Variants in LSAMP observed in about 807,000 individuals in gnomAD.
LSAMP encodes limbic system-associated membrane protein.
In LSAMP, 7 loss-of-function variants were observed where a neutral mutation model predicts 38.6. The ratio of observed to expected loss-of-function variants is 0.18; its 90% CI spans 0.10 to 0.34. LSAMP has a LOEUF of 0.34. LSAMP is among the 10% of genes least tolerant of loss of function. The pLI, the probability that LSAMP is intolerant of heterozygous loss-of-function variation, is 1.00. For synonymous variants in LSAMP, 154 were observed against 166.8 expected, an observed-to-expected ratio of 0.92 and a Z score of 0.59; for missense variants, 313 against 420.0, an observed-to-expected ratio of 0.75 and a Z score of 2.23.
At chr3:115,858,992 A>G (rs1451359833) in intron 3 of LSAMP, among the ~76,000 whole-genome samples, 1 of 152,076 alleles carries the variant, frequency 6.6e-6, no homozygotes, top group African/African-American at 2.4e-5. Flanking sequence ...CCTGCACATC[A>G]CGTTCTACAC....
At chr3:116,155,527 C>T (rs568485278) in intron 1 of LSAMP, among the ~76,000 whole-genome samples, 11 of 152,050 alleles carry the variant, frequency 7.2e-5, no homozygotes, top group Admixed American at 3.3e-4. Context: ...TGCACTCGGC[C>T]CTATTTTTGA....
chr3:115,916,984 T>G (rs1483059181), intron 3 of LSAMP, among the ~76,000 whole-genome samples: 1 of 152,184 alleles, frequency 6.6e-6, no homozygotes, highest in Admixed American at 6.5e-5. Context: ...CTAATGTGTA[T>G]ATTATGAAAA....
intron 3 of LSAMP, among the ~76,000 whole-genome samples, chr3:115,914,292 A>G (rs1937199042): frequency 6.6e-6 from 1 of 152,158 alleles, no homozygotes; most frequent in South Asian, 2.1e-4. Flanking sequence ...GCCAGTTTAG[A>G]GGGAATCCTC....
intron 3 of LSAMP, among the ~76,000 whole-genome samples, chr3:115,951,538 A>C (rs1407134329): frequency 6.6e-6 from 1 of 152,176 alleles, no homozygotes; most frequent in Non-Finnish European, 1.5e-5. Context: ...GGGTGCTGCC[A>C]AAGGAAATTA....
At chr3:115,813,588 C>T (rs983509647) in intron 6 of LSAMP, among the ~76,000 whole-genome samples, 1 of 152,192 alleles carries the variant, frequency 6.6e-6, no homozygotes, top group South Asian at 2.1e-4. Flanking sequence ...TCTCATATAG[C>T]TATTTAGTGT....
chr3:115,965,298 T>C (rs1015739357), intron 3 of LSAMP, among the ~76,000 whole-genome samples: 1 of 152,022 alleles, frequency 6.6e-6, no homozygotes, highest in African/African-American at 2.4e-5. Context: ...ATAACAATTG[T>C]GCTGAGACTA....
intron 3 of LSAMP, among the ~76,000 whole-genome samples, chr3:115,930,536 G>A (rs967530444): frequency 7.2e-5 from 11 of 152,180 alleles, no homozygotes; most frequent in Non-Finnish European, 1.6e-4. Flanking sequence ...CCAGTACACA[G>A]TAAGTAGAAA....
At chr3:116,389,407 A>T (rs1389303566) in intron 1 of LSAMP, among the ~76,000 whole-genome samples, 1 of 152,174 alleles carries the variant, frequency 6.6e-6, no homozygotes, top group African/African-American at 2.4e-5. Flanking sequence ...GTGATGCTGG[A>T]TAAATTTGTA....
chr3:116,197,961 A>C (rs2045926225), intron 1 of LSAMP, among the ~76,000 whole-genome samples: 1 of 145,486 alleles, frequency 6.9e-6, no homozygotes, highest in East Asian at 2.0e-4. Flanking sequence ...TCACCAGTCA[A>C]AGAAAGGCAG....
chr3:116,383,026 A>C (rs77875675), intron 1 of LSAMP, among the ~76,000 whole-genome samples: 3 of 152,186 alleles, frequency 2.0e-5, no homozygotes, highest in Non-Finnish European at 2.9e-5. Flanking sequence ...CTATCCAGCT[A>C]TCTCACTAGG....
At chr3:116,209,471 A>G (rs2046122857) in intron 1 of LSAMP, among the ~76,000 whole-genome samples, 1 of 152,176 alleles carries the variant, frequency 6.6e-6, no homozygotes, top group Admixed American at 6.5e-5. Context: ...GAAATAATTT[A>G]GTTTGTTCCT....
chr3:115,859,775 A>G (rs1935619910), intron 3 of LSAMP, among the ~76,000 whole-genome samples: 1 of 152,242 alleles, frequency 6.6e-6, no homozygotes, highest in Admixed American at 6.5e-5. Context: ...GCTTTCACAT[A>G]TAAAAAATAA....
At chr3:116,019,159 G>C (rs1476209755) in intron 3 of LSAMP, among the ~76,000 whole-genome samples, 2 of 32,386 alleles carry the variant, frequency 6.2e-5, no homozygotes, top group South Asian at 7.9e-4. Flanking sequence ...ATTGTGGGTG[G>C]GGGGGGGGGG....
chr3:116,181,786 A>T (rs574624705), intron 1 of LSAMP, among the ~76,000 whole-genome samples: 1 of 152,062 alleles, frequency 6.6e-6, no homozygotes, highest in African/African-American at 2.4e-5. Context: ...CTGATTTTCC[A>T]ATCAGATGTC....
intron 1 of LSAMP, among the ~76,000 whole-genome samples, chr3:116,278,086 A>G (rs1403354986): frequency 6.6e-6 from 1 of 152,192 alleles, no homozygotes; most frequent in Non-Finnish European, 1.5e-5. Context: ...GGAAAGCACT[A>G]TTACTACAGG....
chr3:116,234,527 A>G (rs2046442037), intron 1 of LSAMP, among the ~76,000 whole-genome samples: 1 of 152,132 alleles, frequency 6.6e-6, no homozygotes, highest in Admixed American at 6.5e-5. Flanking sequence ...TCCTGTTACC[A>G]CCAAAAGAAA....
chr3:116,307,883 G>A (rs2047504270), intron 1 of LSAMP, among the ~76,000 whole-genome samples: 1 of 151,736 alleles, frequency 6.6e-6, no homozygotes, highest in Admixed American at 6.6e-5. Context: ...AATTCTGCTT[G>A]TGTCAGTTAT....
At chr3:116,235,192 G>A (rs2107632388) in intron 1 of LSAMP, among the ~76,000 whole-genome samples, 2 of 152,042 alleles carry the variant, frequency 1.3e-5, no homozygotes, top group East Asian at 1.9e-4. Context: ...ACAGCTCACT[G>A]CAACTTTGAA....
intron 3 of LSAMP, among the ~76,000 whole-genome samples, chr3:115,929,698 ATATT>A (rs1354262624): frequency 4.6e-5 from 7 of 152,158 alleles, no homozygotes; most frequent in Non-Finnish European, 1.5e-5. Context: ...AATTCTAAAT[ATATT>A]TATAAAGAAA....
Sources: gnomAD v4.1 joint callset for allele counts (sites outside exome capture counted in the v4.1 genomes callset) on GRCh38, gnomAD v4.1.1 for gene constraint, MANE v1.5 for transcripts, NCBI Gene and HGNC (gene_info 2026-07-23, HGNC 2026-07-21) for gene names.